The following RASGEF1C variants were observed in gnomAD, a reference collection of about 807,000 sequenced individuals.
RASGEF1C encodes the protein RasGEF domain family member 1C.
Under a neutral mutation model 58.1 loss-of-function variants are expected in RASGEF1C, and 27 were observed. The observed-to-expected ratio is 0.46, with a 90% CI of 0.34 to 0.64. The LOEUF (loss-of-function observed/expected upper bound fraction) is 0.64, where lower values mean the gene tolerates loss of function less well. RASGEF1C is among the 30% of genes least tolerant of loss of function. The probability of loss-of-function intolerance (pLI) is 0.01; values close to 1 mark genes in which losing one functional copy is unlikely to be tolerated. For synonymous variants in RASGEF1C, 243 were observed against 246.3 expected, an observed-to-expected ratio of 0.99 and a Z score of 0.13; for missense variants, 502 against 605.1, an observed-to-expected ratio of 0.83 and a Z score of 1.79.
At chr5:180,161,593 G>A (rs1233963630) in intron 1 of RASGEF1C, among the ~76,000 whole-genome samples, 1 of 152,244 alleles carries the variant, frequency 6.6e-6, no homozygotes, top group Non-Finnish European at 1.5e-5. Flanking sequence ...ACTGGGATCC[G>A]GGGCTGTGAG....
intron 6 of RASGEF1C, among the ~76,000 whole-genome samples, chr5:180,125,156 CA>C (rs1025454176): frequency 2.6e-5 from 4 of 151,992 alleles, no homozygotes; most frequent in Non-Finnish European, 5.9e-5. Flanking sequence ...ACAACAACAA[CA>C]AAAAACCCAA....
chr5:180,158,927 C>T lies in RASGEF1C; in HGVS notation c.-6-20869G>A, dbSNP rs1766892350. ...TCCTCCAATTTAAAAAATATTTTCTCTCCTACTTTCCATTACAAAATCTTC... is the reference window on the plus strand; with the variant it reads ...TCCTCCAATTTAAAAAATATTTTCTTTCCTACTTTCCATTACAAAATCTTC... On this transcript the variant is annotated intron_variant, in intron 1 of 13. Transcript: ENST00000361132. This position sits in a 1 kb window ranked among gnomAD's most constrained non-coding sequence, Gnocchi z 4.0. Among the ~76,000 whole-genome samples the T allele has an allele frequency of 6.6e-6, 1 of 152,098 alleles. No homozygotes were observed. Among genetic ancestry groups the T allele is most frequent in the East Asian group, 1.9e-4 (1 of 5,192 alleles).
At chr5:180,125,847 C>G (rs1766247803) in intron 6 of RASGEF1C, among the ~76,000 whole-genome samples, 2 of 151,886 alleles carry the variant, frequency 1.3e-5, no homozygotes, top group South Asian at 4.2e-4. Context: ...TCCATATAAC[C>G]AAAAGTTAAT....
At chr5:180,120,158 T>C (rs1766144600) in intron 7 of RASGEF1C, among the ~76,000 whole-genome samples, 1 of 152,216 alleles carries the variant, frequency 6.6e-6, no homozygotes, top group Admixed American at 6.5e-5. Context: ...AAGGGGTCTT[T>C]ACTGTCACCA....
intron 1 of RASGEF1C, among the ~76,000 whole-genome samples, chr5:180,204,658 C>CTA (rs1756459324): frequency 6.6e-6 from 1 of 150,516 alleles, no homozygotes; most frequent in Non-Finnish European, 1.5e-5. Context: ...ATCTATCTAT[C>CTA]TCATCTATCT....
chr5:180,162,710 C>G (rs1157480932), intron 1 of RASGEF1C, among the ~76,000 whole-genome samples: 1 of 152,114 alleles, frequency 6.6e-6, no homozygotes. Flanking sequence ...ATTCTAGTTC[C>G]TTTGCCTTTC....
intron 1 of RASGEF1C, among the ~76,000 whole-genome samples, chr5:180,190,646 T>C (rs1462479677): frequency 1.3e-5 from 2 of 151,294 alleles, no homozygotes; most frequent in East Asian, 1.9e-4. Flanking sequence ...CCAGCCTAGG[T>C]GACAGAGCTA....
At chr5:180,130,984 C>T (rs1321481522) in intron 4 of RASGEF1C, among the ~76,000 whole-genome samples, 4 of 151,938 alleles carry the variant, frequency 2.6e-5, no homozygotes, top group Non-Finnish European at 5.9e-5. Flanking sequence ...TCGACCCCGC[C>T]CTCTCCCTCA....
chr5:180,163,253 C>T (rs10071198), intron 1 of RASGEF1C, among the ~76,000 whole-genome samples: 1,707 of 5,032 alleles, frequency 0.34, 289 homozygotes, highest in African/African-American at 0.46. Flanking sequence ...TTTTTTTTTT[C>T]CAGCCTATTG....
intron 3 of RASGEF1C, 91 bp from the exon 4 acceptor site, chr5:180,136,606 G>A (rs1254743037): frequency 1.4e-6 from 2 of 1,396,362 alleles, no homozygotes; most frequent in East Asian, 2.6e-5. Context: ...GGCCGCCCGG[G>A]GCAGGCAGGG....
At chr5:180,132,493 GTCC>G (rs1208697255) in intron 4 of RASGEF1C, among the ~76,000 whole-genome samples, 10 of 152,232 alleles carry the variant, frequency 6.6e-5, no homozygotes, top group Non-Finnish European at 1.3e-4. Context: ...TAGGGCTGAT[GTCC>G]TCCTGCCTAC....
At chr5:180,173,684 G>A (rs1767152430) in intron 1 of RASGEF1C, among the ~76,000 whole-genome samples, 2 of 151,552 alleles carry the variant, frequency 1.3e-5, no homozygotes, top group Admixed American at 6.5e-5. Context: ...GGAGGCCAAG[G>A]TGGGCAGATC....
chr5:180,172,320 GC>G (rs1344487316), intron 1 of RASGEF1C, among the ~76,000 whole-genome samples: 3 of 151,844 alleles, frequency 2.0e-5, no homozygotes, highest in Non-Finnish European at 4.4e-5. Context: ...CTCCAGGAAG[GC>G]TCCCATGCCT....
rs1766892204 is a variant in RASGEF1C, at chr5:180,158,917, A to T, written c.-6-20859T>A. On this transcript the variant is annotated intron_variant, in intron 1 of 13. Coordinates refer to ENST00000361132, the MANE Select transcript of RASGEF1C (RefSeq NM_175062.4). This position sits in a 1 kb window ranked among gnomAD's most constrained non-coding sequence, Gnocchi z 4.0. The stretch of plus-strand genomic sequence containing the variant: ...CCTGGACTTGTCCTCCAATTTAAAA[A>T]ATATTTTCTCTCCTACTTTCCATTA... Among the ~76,000 whole-genome samples the T allele has an allele frequency of 6.6e-6, 1 of 152,056 alleles. No homozygotes were observed. The highest frequency in any genetic ancestry group is 2.1e-4 in the South Asian group (1 of 4,820).
At chr5:180,157,656 A>G (rs1261457910) in intron 1 of RASGEF1C, among the ~76,000 whole-genome samples, 1 of 151,852 alleles carries the variant, frequency 6.6e-6, no homozygotes, top group Non-Finnish European at 1.5e-5. Context: ...AAAATGAAGT[A>G]TCAAGCCATG....
intron 1 of RASGEF1C, among the ~76,000 whole-genome samples, chr5:180,170,647 T>C (rs1867459): frequency 0.24 from 37,009 of 151,806 alleles, 5,081 homozygotes; most frequent in Non-Finnish European, 0.31. Flanking sequence ...CTTCCGGAGG[T>C]CCCTGTGGCA....
intron 7 of RASGEF1C, 130 bp from the exon 8 acceptor site, chr5:180,119,578 G>T: frequency 2.9e-6 from 2 of 686,130 alleles, no homozygotes; most frequent in South Asian, 1.7e-5. Context: ...GAGGCTCAGG[G>T]TAAACAGGGT....
At chr5:180,195,922 C>G (rs1756267031) in intron 1 of RASGEF1C, among the ~76,000 whole-genome samples, 1 of 152,136 alleles carries the variant, frequency 6.6e-6, no homozygotes, top group Admixed American at 6.5e-5. Flanking sequence ...ATTAAAAACA[C>G]TTATTTATTT....
intron 10 of RASGEF1C, among the ~76,000 whole-genome samples, chr5:180,116,949 G>A (rs968980063): frequency 2.0e-5 from 3 of 152,226 alleles, no homozygotes; most frequent in African/African-American, 4.8e-5. Context: ...GAGGTCTCCC[G>A]CCCGAGACTC....
Sources: allele counts gnomAD v4.1 joint callset (sites outside exome capture counted in the v4.1 genomes callset), GRCh38; gene constraint gnomAD v4.1.1; non-coding constraint Gnocchi (gnomAD v3.1); transcripts MANE v1.5; gene names NCBI Gene and HGNC (gene_info 2026-07-23, HGNC 2026-07-21).